ATG10: variants seen among roughly 807,000 people sequenced by gnomAD.
The protein encoded by ATG10 is autophagy related 10.
In ATG10, 30 loss-of-function variants were observed where a neutral mutation model predicts 32.1. That is an observed-to-expected ratio of 0.94 (90% confidence interval 0.70 to 1.27). The LOEUF is 1.27. Among genes scored for constraint, ATG10 ranks in the 50% most tolerant of loss-of-function variants. The pLI, the probability that ATG10 is intolerant of heterozygous loss-of-function variation, is 0.00. For missense variants in ATG10, 233 were observed against 262.3 expected, an observed-to-expected ratio of 0.89 and a Z score of 0.77; for synonymous variants, 87 against 91.5, an observed-to-expected ratio of 0.95 and a Z score of 0.28.
chr5:82,079,989 A>G (rs972819528), intron 3 of ATG10, among the ~76,000 whole-genome samples: 3 of 152,232 alleles, frequency 2.0e-5, no homozygotes, highest in African/African-American at 7.2e-5. Flanking sequence ...CCAACAGTGT[A>G]AAAGCATTCC....
At chr5:82,195,224 T>C (rs1744807847) in intron 5 of ATG10, among the ~76,000 whole-genome samples, 1 of 152,164 alleles carries the variant, frequency 6.6e-6, no homozygotes, top group Admixed American at 6.5e-5. Context: ...TTGAAAAAAA[T>C]TCCTCCTGTC....
At chr5:82,196,730 T>G (rs533012494) in intron 5 of ATG10, among the ~76,000 whole-genome samples, 1 of 152,308 alleles carries the variant, frequency 6.6e-6, no homozygotes, top group South Asian at 2.1e-4. Context: ...GACGCCAAAT[T>G]CTATTCCACT....
At chr5:82,018,354 T>C (rs932576563) in intron 2 of ATG10, among the ~76,000 whole-genome samples, 2 of 152,206 alleles carry the variant, frequency 1.3e-5, no homozygotes, top group Non-Finnish European at 2.9e-5. Flanking sequence ...TCATCTTCCC[T>C]GCTACCACCC....
intron 3 of ATG10, among the ~76,000 whole-genome samples, chr5:82,102,516 A>G (rs1366334857): frequency 1.3e-5 from 2 of 152,142 alleles, no homozygotes; most frequent in East Asian, 1.9e-4. Context: ...GAAGGAGAAA[A>G]TCTATTGTTT....
intron 5 of ATG10, among the ~76,000 whole-genome samples, chr5:82,204,833 A>C (rs759649851): frequency 4.6e-5 from 7 of 152,186 alleles, no homozygotes; most frequent in Non-Finnish European, 8.8e-5. Flanking sequence ...AAGATATCTG[A>C]GTGGCATGTC....
intron 5 of ATG10, among the ~76,000 whole-genome samples, chr5:82,234,181 C>T (rs1055671455): frequency 1.3e-5 from 2 of 152,158 alleles, no homozygotes; most frequent in African/African-American, 4.8e-5. Flanking sequence ...GGGAGGGGAA[C>T]ACCTTCACAA....
intron 2 of ATG10, among the ~76,000 whole-genome samples, chr5:82,050,392 A>G (rs1046949182): frequency 3.3e-5 from 5 of 152,008 alleles, no homozygotes; most frequent in South Asian, 2.1e-4. Context: ...TATTACTTCT[A>G]CCTCCCACAT....
intron 2 of ATG10, among the ~76,000 whole-genome samples, chr5:82,018,410 A>T (rs772283241): frequency 2.2e-4 from 33 of 152,302 alleles, no homozygotes; most frequent in Non-Finnish European, 1.2e-4. Flanking sequence ...CTTCCTAATG[A>T]TCTGACTGTT....
chr5:82,084,188 C>T (rs979871367), intron 3 of ATG10, among the ~76,000 whole-genome samples: 1 of 152,130 alleles, frequency 6.6e-6, no homozygotes, highest in Admixed American at 6.5e-5. Context: ...GATGCATGCA[C>T]AAGCTTCAGT....
chr5:82,171,659 T>C (rs929896107), intron 4 of ATG10, among the ~76,000 whole-genome samples: 15 of 152,226 alleles, frequency 9.9e-5, no homozygotes, highest in African/African-American at 2.9e-4. Context: ...AGAAATCACA[T>C]ATCTGCTATA....
chr5:82,148,259 C>G (rs1409702437), intron 3 of ATG10: 1 of 152,140 alleles, frequency 6.6e-6, no homozygotes, highest in African/African-American at 2.4e-5. Context: ...TGCTCTGTAT[C>G]AAGAGAACTC....
At chr5:82,223,722 A>G (rs1746014763) in intron 5 of ATG10, among the ~76,000 whole-genome samples, 1 of 152,246 alleles carries the variant, frequency 6.6e-6, no homozygotes, top group Admixed American at 6.5e-5. Flanking sequence ...TTATAGTCTT[A>G]TATAGATGTT....
chr5:82,238,153 C>G (rs116143509), intron 5 of ATG10, among the ~76,000 whole-genome samples: 4 of 152,130 alleles, frequency 2.6e-5, no homozygotes, highest in African/African-American at 9.7e-5. Context: ...TCAGATTGTC[C>G]TTGGAACACC....
chr5:81,999,418 C>T (rs1761770229), intron 2 of ATG10, among the ~76,000 whole-genome samples: 1 of 152,078 alleles, frequency 6.6e-6, no homozygotes, highest in Non-Finnish European at 1.5e-5. Flanking sequence ...TAAATGCCCA[C>T]ATCAAAAAGT....
chr5:82,015,938 T>C (rs990242278), intron 2 of ATG10, among the ~76,000 whole-genome samples: 1 of 152,202 alleles, frequency 6.6e-6, no homozygotes, highest in African/African-American at 2.4e-5. Flanking sequence ...TGCTGTTTTT[T>C]CCCCATCTTC....
At chr5:82,114,219 A>T (rs943859919) in intron 3 of ATG10, among the ~76,000 whole-genome samples, 1 of 151,954 alleles carries the variant, frequency 6.6e-6, no homozygotes, top group Admixed American at 6.6e-5. Context: ...TATATGTATG[A>T]TTGGCTGTTT....
chr5:82,252,789 G>T (rs1346259219), intron 6 of ATG10, 130 bp downstream of exon 6: 4 of 622,434 alleles, frequency 6.4e-6, no homozygotes, highest in Non-Finnish European at 1.1e-5. Context: ...ATGATTTTTA[G>T]GATATGCTAG....
At chr5:82,206,116 T>A (rs184169636) in intron 5 of ATG10, among the ~76,000 whole-genome samples, 7 of 152,130 alleles carry the variant, frequency 4.6e-5, no homozygotes, top group Non-Finnish European at 1.0e-4. Context: ...AGTTTCTGAG[T>A]GTGGCTATTG....
chr5:82,139,922 C>T (rs1767000293), intron 3 of ATG10, among the ~76,000 whole-genome samples: 1 of 135,192 alleles, frequency 7.4e-6, no homozygotes, highest in Non-Finnish European at 1.7e-5. Flanking sequence ...GCCAGCCGCC[C>T]CATCCGGGAG....
Sources: allele counts gnomAD v4.1 joint callset (sites outside exome capture counted in the v4.1 genomes callset), GRCh38; gene constraint gnomAD v4.1.1; transcripts MANE v1.5; gene names NCBI Gene and HGNC (gene_info 2026-07-23, HGNC 2026-07-21).